CTDSP1: variants seen among roughly 807,000 people sequenced by gnomAD.
The protein encoded by CTDSP1 is carboxy-terminal domain RNA polymerase II polypeptide A small phosphatase 1.
Under a neutral mutation model 32.5 loss-of-function variants are expected in CTDSP1, and 15 were observed. The observed-to-expected ratio is 0.46, with a 90% CI of 0.31 to 0.71. The LOEUF (loss-of-function observed/expected upper bound fraction) is 0.71, where lower values mean the gene tolerates loss of function less well. Among genes scored for constraint, CTDSP1 ranks in the 30% least tolerant of loss-of-function variants. CTDSP1 has a pLI of 0.05. For missense variants in CTDSP1, 294 were observed against 351.1 expected, an observed-to-expected ratio of 0.84 and a Z score of 1.30; for synonymous variants, 185 against 145.4, an observed-to-expected ratio of 1.27 and a Z score of -1.96.
rs945314999 is a variant in CTDSP1, at chr2:218,401,550, C to T, written c.68-14C>T. The T allele has an allele frequency of 3.7e-6, 6 of 1,613,238 alleles. No individual in the cohort carries two copies. The East Asian group carries it at 1.3e-4, about 36-fold the overall frequency. On this transcript the variant is annotated splice_polypyrimidine_tract_variant and intron_variant, in intron 1 of 6. Coordinates refer to ENST00000273062, the MANE Select transcript of CTDSP1 (RefSeq NM_021198.3). The stretch of plus-strand genomic sequence containing the variant: ...GTGTGCACCGAGCCTCCAACTTGTG[C>T]CTCCCTACTTCAGGTGACCAGAAGT...
chr2:218,400,943 A>G, intron 1 of CTDSP1: 3 of 450,048 alleles, frequency 6.7e-6, no homozygotes, highest in Non-Finnish European at 1.3e-5. Flanking sequence ...AACTGAGGGC[A>G]AGGTGGAAAG....
intron 6 of CTDSP1, chr2:218,403,890 T>C (rs968519158): frequency 2.5e-5 from 5 of 197,036 alleles, no homozygotes; most frequent in South Asian, 1.0e-4. Context: ...TGAAACCTTA[T>C]GTCTACAAAA....
At chr2:218,399,108 G>A (rs1696965983), upstream of CTDSP1, 1 of 152,384 alleles carries the variant, frequency 6.6e-6, no homozygotes, top group East Asian at 1.9e-4. Flanking sequence ...AAGGCCCCTG[G>A]AGAAGGTGGC....
rs371311622 is a variant in CTDSP1, at chr2:218,402,366, C to T, written c.339C>T (p.Asp113=). ...CCCCACAGCCAGTGAACAACGCGGA[C>T]TTCATCATCCCTGTGGAGATTGATG... ...HSSFKPVNNA[D]FIIPVEIDGV... Residue 113 remains aspartate (D), a synonymous_variant, in exon 4 of 7, where the codon GAC becomes GAT. Transcript: ENST00000273062. 1.2e-6 allele frequency: 2 copies of T among 1,613,498 alleles called. No homozygotes were observed. Among genetic ancestry groups the T allele is most frequent in the Non-Finnish European group, 1.7e-6 (2 of 1,179,732 alleles).
chr2:218,397,047 A>G (rs1432367770), upstream of CTDSP1, among the ~76,000 whole-genome samples: 1 of 152,146 alleles, frequency 6.6e-6, no homozygotes, highest in Non-Finnish European at 1.5e-5. Flanking sequence ...AGGACAGCCC[A>G]GGAGGAATGA....
intron 4 of CTDSP1, 64 bp from the exon 5 acceptor site, chr2:218,402,971 C>T: frequency 7.9e-7 from 1 of 1,258,818 alleles, no homozygotes; most frequent in African/African-American, 1.4e-5. Flanking sequence ...CATGCCCTGC[C>T]AGCCCTCGGC....
chr2:218,398,476 C>CG (rs893378260), upstream of CTDSP1: 20 of 1,525,732 alleles, frequency 1.3e-5, no homozygotes, highest in African/African-American at 2.8e-5. Flanking sequence ...GCCCGGGGAC[C>CG]GGGGTATCAG....
At chr2:218,400,413 T>TC (rs11463820) in intron 1 of CTDSP1, 595,120 of 595,138 alleles carry the variant, frequency 1, 297,551 homozygotes, top group Middle Eastern at 1. Context: ...GAGAGGGAAC[T>TC]CTTCGGGGGT....
Position 218,403,133 on chromosome 2 carries a change from C to A in CTDSP1, c.471+6C>A. 1 of 1,614,084 alleles carries A rather than the reference C, an allele frequency of 6.2e-7. No homozygotes were observed. The highest frequency in any genetic ancestry group is 8.5e-7 in the Non-Finnish European group (1 of 1,179,972). On this transcript the variant is annotated splice_donor_region_variant and intron_variant, in intron 5 of 6. Transcript: ENST00000273062. ...TCACTGCTAGCCTCGCCAAGGTGAG[C>A]CCCACAGGGGTCCCGGGGCAACCCT...
chr2:218,400,685 C>CCGACCCCCT, intron 1 of CTDSP1: 1 of 452,880 alleles, frequency 2.2e-6, no homozygotes, highest in Middle Eastern at 3.3e-4. Flanking sequence ...CGTGGAGGCG[C>CCGACCCCCT]CGACCCCCTC....
At position 218,401,703 on chromosome 2, in the gene CTDSP1, C is replaced by T. The variant is rs376602431; in HGVS notation, c.207C>T (p.Ala69=). 1.7e-5 allele frequency: 27 copies of T among 1,586,090 alleles called. No individual in the cohort carries two copies. Among genetic ancestry groups the T allele is most frequent in the Middle Eastern group, 1.7e-4 (1 of 5,952 alleles). The change falls in exon 2 of 7, where the codon GCC becomes GCT. Residue 69 remains alanine (A), a synonymous_variant. Transcript: ENST00000273062. ...GAPLLVEENG[A]IPKQTPVQYL... ...CCCTGCTTGTGGAGGAGAATGGCGC[C>T]ATCCCTAAGGTGCGTGGGGGCCAGG...
chr2:218,405,587 G>T lies in CTDSP1; in HGVS notation c.*1162G>T, dbSNP rs980663508. ...GATCTCCAGGAAGCCCGACCAAGCT[G>T]TCCCCTTCCCCTGTGCCAACCCATC... On this transcript the variant is annotated 3_prime_UTR_variant, in exon 7 of 7. Transcript: ENST00000273062. The T allele has an allele frequency of 6.5e-6, 1 of 153,034 alleles. No homozygotes were observed. Among genetic ancestry groups the T allele is most frequent in the Admixed American group, 6.5e-5 (1 of 15,284 alleles). The allele number at this position is 153,034 out of a possible 1,614,324, so 9.5% of individuals were successfully genotyped here. A position where few individuals can be genotyped will look rare whatever the true frequency, so the allele number is the denominator to read the frequency against.
intron 1 of CTDSP1, chr2:218,400,626 G>A: frequency 4.8e-6 from 2 of 414,456 alleles, no homozygotes; most frequent in South Asian, 1.7e-5. Flanking sequence ...AGGCTTGGAG[G>A]GATCTCCCGC....
intron 2 of CTDSP1, 98 bp downstream of exon 2, chr2:218,401,810 C>A: frequency 8.1e-7 from 1 of 1,230,188 alleles, no homozygotes; most frequent in Non-Finnish European, 1.1e-6. Flanking sequence ...GATGGACTTG[C>A]AGACCTGAAA....
intron 1 of CTDSP1, chr2:218,400,970 C>CGGGGGG: frequency 9.9e-6 from 1 of 100,668 alleles, no homozygotes; most frequent in Admixed American, 1.6e-4. Flanking sequence ...TGCAGGGGGC[C>CGGGGGG]GGAGGGGGGT....
At position 218,401,592 on chromosome 2, in the gene CTDSP1, G is replaced by A; in HGVS notation, c.96G>A (p.Lys32=). 2.5e-6 allele frequency: 4 copies of A among 1,613,936 alleles called. No individual in the cohort carries two copies. Among genetic ancestry groups the A allele is most frequent in the Non-Finnish European group, 3.4e-6 (4 of 1,179,930 alleles). ...KGDQKSAASQ[K]PRSRGILHSL... is the part of the protein sequence containing the mutation. The stretch of plus-strand genomic sequence containing the variant: ...ACCAGAAGTCAGCAGCTTCCCAGAA[G>A]CCCCGAAGCCGGGGCATCCTCCACT... The change falls in exon 2 of 7, where the codon AAG becomes AAA. Residue 32 remains lysine, a synonymous_variant. Transcript: ENST00000273062.
At chr2:218,401,453 GA>G in intron 1 of CTDSP1, 110 bp from the exon 2 acceptor site, 1 of 1,286,444 alleles carries the variant, frequency 7.8e-7, no homozygotes, top group Non-Finnish European at 1.1e-6. Flanking sequence ...GTGTCTGGAT[GA>G]AGGGGCCACG....
At chr2:218,398,620 C>A, upstream of CTDSP1, 1 of 504,302 alleles carries the variant, frequency 2.0e-6, no homozygotes, top group African/African-American at 2.0e-5. Flanking sequence ...TCCCCCTCGG[C>A]AGGGCCTGGC....
At chr2:218,397,878 GGGA>G (rs993062705), upstream of CTDSP1, among the ~76,000 whole-genome samples, 3 of 152,190 alleles carry the variant, frequency 2.0e-5, no homozygotes, top group African/African-American at 4.8e-5. Flanking sequence ...TTGGGAGCCT[GGGA>G]GGAGGAGTTA....
Sources: gnomAD v4.1 joint callset for allele counts (sites outside exome capture counted in the v4.1 genomes callset) on GRCh38, gnomAD v4.1.1 for gene constraint, MANE v1.5 for transcripts, NCBI Gene and HGNC (gene_info 2026-07-23, HGNC 2026-07-21) for gene names.